The following VDAC1 variants were observed in gnomAD, a reference collection of about 807,000 sequenced individuals.
The protein encoded by VDAC1 is voltage dependent anion channel 1.
VDAC1 carries 10 observed loss-of-function variants against 34.7 expected under a neutral mutation model. The ratio of observed to expected loss-of-function variants is 0.29; its 90% CI spans 0.18 to 0.49. The LOEUF (loss-of-function observed/expected upper bound fraction) is 0.49. Among genes scored for constraint, VDAC1 ranks in the 20% least tolerant of loss-of-function variants. VDAC1 has a pLI of 0.99. For synonymous variants in VDAC1, 130 were observed against 136.0 expected (o/e 0.96, Z 0.30); for missense variants, 230 against 347.9 (o/e 0.66, Z 2.69).
Position 133,991,030 on chromosome 5 carries a change from A to G in VDAC1, c.242T>C (p.Leu81Pro). ...FTEKWNTDNT[L>P]GTEITVEDQL... is the part of the protein sequence containing the mutation. ...ATCTTCCACAGTAATCTCGGTGCCT[A>G]GTGTATTGTCGGTATTCCATTTCTC... The change falls in exon 4 of 9, where the codon CTA becomes CCA. Residue 81 changes from leucine (L) to proline (P), a missense_variant. Physicochemically the swap from Leu to Pro is moderately conservative, Grantham distance 98 (BLOSUM62 -3). Transcript: ENST00000265333. The G allele has an allele frequency of 6.2e-7, 1 of 1,614,102 alleles. No individual in the cohort carries two copies. Among genetic ancestry groups the G allele is most frequent in the South Asian group, 1.1e-5 (1 of 91,080 alleles).
chr5:134,026,399 C>T, the VDAC1 span, among the ~76,000 whole-genome samples: 7 of 151,652 alleles, frequency 4.6e-5, no homozygotes, highest in Non-Finnish European at 8.8e-5. Flanking sequence ...CCTGTAGTCT[C>T]AGCTACTCGG....
At chr5:133,988,212 A>G (rs1752973211) in intron 5 of VDAC1, among the ~76,000 whole-genome samples, 1 of 152,220 alleles carries the variant, frequency 6.6e-6, no homozygotes, top group Non-Finnish European at 1.5e-5. Context: ...AGCTGGGTGA[A>G]GAACACAGGA....
At chr5:133,982,541 G>A (rs1171343368) in intron 5 of VDAC1, among the ~76,000 whole-genome samples, 2 of 149,600 alleles carry the variant, frequency 1.3e-5, no homozygotes, top group Admixed American at 6.7e-5. Context: ...TTATAATAAC[G>A]CTCAAATCAC....
At chr5:134,037,171 A>T in the VDAC1 span, among the ~76,000 whole-genome samples, 16 of 152,300 alleles carry the variant, frequency 1.1e-4, no homozygotes, top group East Asian at 2.9e-3. Flanking sequence ...TGAAAGTCAG[A>T]TGGAAGAAAC....
At chr5:134,017,157 T>C in the VDAC1 span, among the ~76,000 whole-genome samples, 2 of 152,162 alleles carry the variant, frequency 1.3e-5, no homozygotes, top group African/African-American at 4.8e-5. Context: ...GTTTCCTTCA[T>C]AGCTTGTAGC....
the VDAC1 span, among the ~76,000 whole-genome samples, chr5:134,040,103 A>G: frequency 3.3e-5 from 5 of 152,302 alleles, no homozygotes; most frequent in East Asian, 9.6e-4. Context: ...TTGGCACCCG[A>G]GAGAGAGACC....
the VDAC1 span, among the ~76,000 whole-genome samples, chr5:134,039,510 A>G: frequency 5.0e-5 from 4 of 80,018 alleles, no homozygotes; most frequent in South Asian, 3.7e-4. Context: ...TTGTATTTTT[A>G]GTAGAGACGG....
Position 133,978,180 on chromosome 5 carries a change from T to C in VDAC1, c.552-2159A>G, listed in dbSNP as rs62663861. Among the ~76,000 whole-genome samples, 508 of 151,960 alleles carry C rather than the reference T, an allele frequency of 3.3e-3. 3 individuals are homozygous for C. The highest frequency in any genetic ancestry group is 0.011 in the African/African-American group (469 of 41,436). ...CATTCTAAATTTTCTTTTTTTTTTTTCCCCAAGATGGGATCTTGCTCTGTT... is the reference window on the plus strand; with the variant it reads ...CATTCTAAATTTTCTTTTTTTTTTTCCCCCAAGATGGGATCTTGCTCTGTT... On this transcript the variant is annotated intron_variant, in intron 6 of 8. Coordinates refer to ENST00000265333, the MANE Select transcript of VDAC1 (RefSeq NM_003374.3).
chr5:133,983,911 GCCTGCT>G (rs1752801307), intron 5 of VDAC1, among the ~76,000 whole-genome samples: 1 of 152,082 alleles, frequency 6.6e-6, no homozygotes. Flanking sequence ...CATGTGATGT[GCCTGCT>G]CCTGCTTCAT....
At chr5:134,104,421 G>A in the VDAC1 span, among the ~76,000 whole-genome samples, 8 of 152,348 alleles carry the variant, frequency 5.3e-5, no homozygotes, top group Admixed American at 4.6e-4. Context: ...AAAGGGTCTT[G>A]TACGTGCAGG....
At chr5:134,008,041 CCCTGACTCCAAA>C (rs902077502), upstream of VDAC1, among the ~76,000 whole-genome samples, 2 of 152,280 alleles carry the variant, frequency 1.3e-5, no homozygotes, top group African/African-American at 4.8e-5. Context: ...CTGACTCCAT[CCCTGACTCCAAA>C]GCCTTCCTGG....
At chr5:134,004,570 C>G (rs921793993) in intron 1 of VDAC1, 13 of 152,256 alleles carry the variant, frequency 8.5e-5, no homozygotes, top group African/African-American at 3.1e-4. Context: ...CTCAGCGCCT[C>G]CCTCTCAGCT....
the VDAC1 span, among the ~76,000 whole-genome samples, chr5:134,109,316 C>T: frequency 6.6e-4 from 101 of 152,296 alleles, no homozygotes; most frequent in Middle Eastern, 3.4e-3. Context: ...CTCCCCAGGC[C>T]ACATAGGATT....
chr5:134,038,978 G>C, the VDAC1 span, among the ~76,000 whole-genome samples: 2 of 151,970 alleles, frequency 1.3e-5, no homozygotes, highest in Admixed American at 6.6e-5. Context: ...TAATGTAAAG[G>C]CCCAGTAATA....
At chr5:133,977,826 G>A (rs1752536185) in intron 6 of VDAC1, among the ~76,000 whole-genome samples, 1 of 152,094 alleles carries the variant, frequency 6.6e-6, no homozygotes, top group African/African-American at 2.4e-5. Context: ...CTTTTCATAG[G>A]CCCATCTGTA....
chr5:134,113,848 A>T, the VDAC1 span, among the ~76,000 whole-genome samples: 1 of 152,196 alleles, frequency 6.6e-6, no homozygotes. Flanking sequence ...GGCTCCCTAA[A>T]TGCGACTTCT....
the VDAC1 span, among the ~76,000 whole-genome samples, chr5:134,095,390 G>C: frequency 6.6e-6 from 1 of 152,122 alleles, no homozygotes; most frequent in East Asian, 1.9e-4. Context: ...GGCTGAGGTG[G>C]GGTGATTGCT....
At chr5:133,973,310 G>C (rs528508966) in intron 8 of VDAC1, among the ~76,000 whole-genome samples, 13 of 152,282 alleles carry the variant, frequency 8.5e-5, no homozygotes, top group Admixed American at 2.0e-4. Flanking sequence ...ACATTCCCTG[G>C]AATAACCTGA....
chr5:134,034,743 G>A, the VDAC1 span, among the ~76,000 whole-genome samples: 2 of 152,114 alleles, frequency 1.3e-5, no homozygotes, highest in African/African-American at 4.8e-5. Flanking sequence ...GAATAAACAT[G>A]GCGGACAGTG....
Sources: gnomAD v4.1 joint callset for allele counts (sites outside exome capture counted in the v4.1 genomes callset) on GRCh38, gnomAD v4.1.1 for gene constraint, MANE v1.5 for transcripts, NCBI Gene and HGNC (gene_info 2026-07-23, HGNC 2026-07-21) for gene names.